Variants in CAMTA1 observed in about 807,000 individuals in gnomAD.
The protein encoded by CAMTA1 is calmodulin-binding transcription activator 1.
In CAMTA1, 27 loss-of-function variants were observed where a neutral mutation model predicts 170.9. The observed-to-expected ratio is 0.16, with a 90% CI of 0.12 to 0.22. The LOEUF (loss-of-function observed/expected upper bound fraction) is 0.22. Among genes scored for constraint, CAMTA1 ranks in the 10% least tolerant of loss-of-function variants. CAMTA1 has a pLI of 1.00. For synonymous variants in CAMTA1, 833 were observed against 891.5 expected, an observed-to-expected ratio of 0.93 and a Z score of 1.17; for missense variants, 1,619 against 2,217.2, an observed-to-expected ratio of 0.73 and a Z score of 5.42.
At position 7,063,236 on chromosome 1, in the gene CAMTA1, C is replaced by A. The variant is rs368365996; in HGVS notation, c.235-28068C>A. Among the ~76,000 whole-genome samples, 1 of 152,162 alleles carries A rather than the reference C, an allele frequency of 6.6e-6. No individual in the cohort carries two copies. Among genetic ancestry groups the A allele is most frequent in the African/African-American group, 2.4e-5 (1 of 41,438 alleles). On this transcript the variant is annotated intron_variant, in intron 3 of 22. Coordinates refer to ENST00000303635, the MANE Select transcript of CAMTA1 (RefSeq NM_015215.4). The surrounding 1 kb of genome is among the most constrained non-coding windows in gnomAD (Gnocchi z 4.3). ...GAATTTGCTCCCACTTTCTTCACCC[C>A]CTAACATCAGGTCAAATCCGGCCTA...
intron 4 of CAMTA1, among the ~76,000 whole-genome samples, chr1:7,156,196 C>A (rs1340388563): frequency 1.3e-5 from 2 of 151,256 alleles, no homozygotes; most frequent in Middle Eastern, 3.2e-3. Context: ...ATCGCTTGAA[C>A]CTGGGAGACG....
intron 5 of CAMTA1, among the ~76,000 whole-genome samples, chr1:7,322,895 A>G (rs904655928): frequency 5.3e-5 from 8 of 151,234 alleles, no homozygotes; most frequent in Non-Finnish European, 1.2e-4. Flanking sequence ...CATGTCATAA[A>G]TTTCAGCTCC....
chr1:7,104,031 A>G (rs1455139653), intron 4 of CAMTA1, among the ~76,000 whole-genome samples: 1 of 77,958 alleles, frequency 1.3e-5, no homozygotes, highest in Non-Finnish European at 2.5e-5. Flanking sequence ...TACACACTAC[A>G]TATGCATACA....
At chr1:7,731,971 A>AT (rs113268720) in intron 11 of CAMTA1, among the ~76,000 whole-genome samples, 12 of 149,914 alleles carry the variant, frequency 8.0e-5, no homozygotes, top group Middle Eastern at 3.5e-3. Context: ...ATTTAAAACA[A>AT]TTTTTTTTTG....
At chr1:7,510,792 G>A (rs914734863) in intron 6 of CAMTA1, among the ~76,000 whole-genome samples, 1 of 145,212 alleles carries the variant, frequency 6.9e-6, no homozygotes, top group Admixed American at 6.9e-5. Flanking sequence ...CTCCAGGATG[G>A]CTCTCTACCT....
In CAMTA1 at chr1:7,570,124, G is replaced by T. The variant is rs751867733; in HGVS notation, c.511-70276G>T. 3.9e-5 allele frequency among the ~76,000 whole-genome samples: 6 copies of T among 152,066 alleles called. No homozygotes were observed. Among genetic ancestry groups the T allele is most frequent in the Non-Finnish European group, 8.8e-5 (6 of 68,010 alleles). On this transcript the variant is annotated intron_variant, in intron 6 of 22. Transcript: ENST00000303635. The surrounding 1 kb of genome is among the most constrained non-coding windows in gnomAD (Gnocchi z 4.3). ...TTGCTTAATTCTACCGAGACCTTGG[G>T]TGGGAGATCAGGGATCCCTTGCTGG...
intron 3 of CAMTA1, among the ~76,000 whole-genome samples, chr1:7,035,618 T>C (rs1006198677): frequency 6.6e-6 from 1 of 152,154 alleles, no homozygotes; most frequent in African/African-American, 2.4e-5. Flanking sequence ...GCCAATACAG[T>C]GAAAAAGGCA....
At chr1:7,362,599 G>A (rs1225416071) in intron 5 of CAMTA1, among the ~76,000 whole-genome samples, 2 of 151,912 alleles carry the variant, frequency 1.3e-5, no homozygotes, top group Non-Finnish European at 2.9e-5. Flanking sequence ...TAGAGTTGGT[G>A]GACTTTGGTA....
chr1:7,017,906 A>G lies in CAMTA1; in HGVS notation c.235-73398A>G, dbSNP rs906795077. The stretch of plus-strand genomic sequence containing the variant: ...GGTGTGGAATTGGGTACAACCTGGT[A>G]CTTTCTGTGAGTGTTGAGGGCCTGC... On this transcript the variant is annotated intron_variant, in intron 3 of 22. Coordinates refer to ENST00000303635, the MANE Select transcript of CAMTA1 (RefSeq NM_015215.4). Among the ~76,000 whole-genome samples, 6 of 151,724 alleles carry G rather than the reference A, an allele frequency of 4.0e-5. No individual in the cohort carries two copies. In the East Asian group the frequency reaches 9.7e-4, roughly 25 times the overall value.
intron 1 of CAMTA1, among the ~76,000 whole-genome samples, chr1:6,788,286 A>G (rs1003245486): frequency 6.6e-6 from 1 of 151,936 alleles, no homozygotes; most frequent in Non-Finnish European, 1.5e-5. Context: ...ATCCTCCCCA[A>G]CAAGTTCCGT....
intron 11 of CAMTA1, among the ~76,000 whole-genome samples, chr1:7,679,578 C>CT (rs1553246521): frequency 9.0e-6 from 1 of 110,820 alleles, no homozygotes; most frequent in Admixed American, 8.2e-5. Flanking sequence ...CCTAGCTGCC[C>CT]CCCCCCCCAG....
chr1:6,943,064 T>C (rs1686930889), intron 3 of CAMTA1, among the ~76,000 whole-genome samples: 1 of 152,128 alleles, frequency 6.6e-6, no homozygotes, highest in Non-Finnish European at 1.5e-5. Flanking sequence ...GCACTATCCC[T>C]GCTCAAGGTC....
chr1:7,498,838 G>A (rs12023698), intron 6 of CAMTA1, among the ~76,000 whole-genome samples: 10,732 of 149,132 alleles, frequency 0.072, 739 homozygotes, highest in East Asian at 0.37. Context: ...TGAGCCTGGT[G>A]TGCGTGTGTA....
At chr1:7,047,721 CTTT>C (rs61590402) in intron 3 of CAMTA1, among the ~76,000 whole-genome samples, 2 of 129,500 alleles carry the variant, frequency 1.5e-5, no homozygotes, top group Admixed American at 7.7e-5. Flanking sequence ...CTCTCTCTCT[CTTT>C]TTTTTTTTTT....
rs893336819 is a variant in CAMTA1 at position 7,067,881 on chromosome 1, T to A, written c.235-23423T>A. 6.6e-6 allele frequency among the ~76,000 whole-genome samples: 1 copy of A among 152,314 alleles called. No homozygotes were observed. The highest frequency in any genetic ancestry group is 2.4e-5 in the African/African-American group (1 of 41,560). On this transcript the variant is annotated intron_variant, in intron 3 of 22. Transcript: ENST00000303635. This position sits in a 1 kb window ranked among gnomAD's most constrained non-coding sequence, Gnocchi z 4.3. ...CGGCCTGTAACTCAGTTATTGCCAG[T>A]GAGATGGCTAGGCACTTCTAGGACA...
intron 6 of CAMTA1, among the ~76,000 whole-genome samples, chr1:7,626,192 G>C (rs1558021442): frequency 6.6e-6 from 1 of 152,076 alleles, no homozygotes; most frequent in Non-Finnish European, 1.5e-5. Context: ...ACAATTGCTG[G>C]AATCTCACCA....
At chr1:7,752,388 A>G in intron 20 of CAMTA1, 71 bp from the exon 21 acceptor site, 2 of 1,306,230 alleles carry the variant, frequency 1.5e-6, no homozygotes, top group Non-Finnish European at 2.2e-6. Context: ...GTCCTCTGTC[A>G]CTGCTGACCA....
intron 4 of CAMTA1, among the ~76,000 whole-genome samples, chr1:7,230,954 C>A (rs1662676736): frequency 6.6e-6 from 1 of 152,100 alleles, no homozygotes; most frequent in Non-Finnish European, 1.5e-5. Context: ...CTGAGGGAAC[C>A]AGTGTACAGA....
intron 5 of CAMTA1, among the ~76,000 whole-genome samples, chr1:7,398,909 A>G (rs975655453): frequency 6.6e-6 from 1 of 152,128 alleles, no homozygotes; most frequent in Non-Finnish European, 1.5e-5. Context: ...GCTACATTTA[A>G]ATATTCCAGA....
Sources: allele counts gnomAD v4.1 joint callset (sites outside exome capture counted in the v4.1 genomes callset), GRCh38; gene constraint gnomAD v4.1.1; non-coding constraint Gnocchi (gnomAD v3.1); transcripts MANE v1.5; gene names NCBI Gene and HGNC (gene_info 2026-07-23, HGNC 2026-07-21).